Variants in DZIP1L observed in about 807,000 individuals in gnomAD.
DZIP1L encodes cilium assembly protein DZIP1L.
DZIP1L carries 90 observed loss-of-function variants against 88.7 expected under a neutral mutation model. The ratio of observed to expected loss-of-function variants is 1.02; its 90% CI spans 0.86 to 1.21. The LOEUF is 1.21. Among genes scored for constraint, DZIP1L ranks in the 50% most tolerant of loss-of-function variants. The pLI is 0.00. For synonymous variants in DZIP1L, 363 were observed against 372.1 expected (o/e 0.98, Z 0.28); for missense variants, 932 against 955.8 (o/e 0.98, Z 0.33).
intron 12 of DZIP1L, among the ~76,000 whole-genome samples, chr3:138,070,323 C>T (rs758836045): frequency 2.6e-5 from 4 of 152,144 alleles, no homozygotes; most frequent in Non-Finnish European, 4.4e-5. Flanking sequence ...AAAGGATATA[C>T]GTTTAAATTG....
intron 1 of DZIP1L, among the ~76,000 whole-genome samples, chr3:138,111,724 G>C (rs1047211278): frequency 6.6e-6 from 1 of 152,190 alleles, no homozygotes; most frequent in African/African-American, 2.4e-5. Flanking sequence ...GCCAGGCATG[G>C]TGGCTCACAC....
At chr3:138,068,756 T>C (rs1467395450) in intron 12 of DZIP1L, among the ~76,000 whole-genome samples, 2 of 152,124 alleles carry the variant, frequency 1.3e-5, no homozygotes, top group African/African-American at 4.8e-5. Flanking sequence ...AAGACCCCAC[T>C]GCCACCAGAG....
chr3:138,084,830 C>T (rs943873117), intron 7 of DZIP1L, among the ~76,000 whole-genome samples: 4 of 152,178 alleles, frequency 2.6e-5, no homozygotes, highest in Non-Finnish European at 5.9e-5. Context: ...GCTTCAGTTT[C>T]AGCTTTCTAC....
chr3:138,098,774 A>G (rs1431836302), intron 2 of DZIP1L, among the ~76,000 whole-genome samples: 3 of 152,200 alleles, frequency 2.0e-5, no homozygotes, highest in Non-Finnish European at 4.4e-5. Flanking sequence ...CATAAACATC[A>G]TATCAATTAT....
intron 9 of DZIP1L, 125 bp downstream of exon 9, chr3:138,081,609 A>C (rs574782031): frequency 1.7e-4 from 166 of 949,374 alleles, no homozygotes; most frequent in Non-Finnish European, 2.4e-4. Context: ...GCCTGACACT[A>C]CATGTCCACA....
At chr3:138,106,869 AGAG>A (rs1163655838) in intron 1 of DZIP1L, among the ~76,000 whole-genome samples, 29 of 147,736 alleles carry the variant, frequency 2.0e-4, no homozygotes, top group Admixed American at 1.6e-3. Context: ...CAAAAAAAAA[AGAG>A]AGAGAGAGAG....
chr3:138,072,276 T>C (rs1401931794), intron 11 of DZIP1L, among the ~76,000 whole-genome samples: 1 of 152,142 alleles, frequency 6.6e-6, no homozygotes, highest in African/African-American at 2.4e-5. Context: ...ACAATCCAAG[T>C]ACCCTTTCAA....
At chr3:138,064,041 G>T (rs958592662) in intron 15 of DZIP1L, among the ~76,000 whole-genome samples, 6 of 152,216 alleles carry the variant, frequency 3.9e-5, no homozygotes, top group African/African-American at 2.4e-5. Context: ...CGGGCAGTGA[G>T]GAGGGTCTGA....
In DZIP1L at chr3:138,062,825, A is replaced by C. The variant is rs1576423857; in HGVS notation, c.2295T>G (p.Pro765=). The C allele has an allele frequency of 5.6e-6, 9 of 1,613,998 alleles. No homozygotes were observed. The highest frequency in any genetic ancestry group is 7.6e-6 in the Non-Finnish European group (9 of 1,180,022). The change falls in exon 16 of 16, where the codon CCT becomes CCG. Residue 765 remains proline, a synonymous_variant. Coordinates refer to ENST00000327532, the MANE Select transcript of DZIP1L (RefSeq NM_173543.3). ...TAGCTTCTGGGGTGAATCACCAGGC[A>C]GGGACCCTGGGTTGGCCAGAGCTCT... ...GPQSSGQPRV[P]AW is the part of the protein sequence containing the mutation.
chr3:138,091,106 C>T (rs1456901597), intron 5 of DZIP1L, among the ~76,000 whole-genome samples: 3 of 151,592 alleles, frequency 2.0e-5, no homozygotes, highest in Non-Finnish European at 2.9e-5. Context: ...CTGAACCACC[C>T]ACCTTGGCCT....
At position 138,083,232 on chromosome 3, in the gene DZIP1L, T is replaced by C. The variant is rs1559838990; in HGVS notation, c.1203+881A>G. 2.0e-5 allele frequency among the ~76,000 whole-genome samples: 3 copies of C among 152,302 alleles called. No homozygotes were observed. In the East Asian group the frequency reaches 5.8e-4, roughly 29 times the overall value. On this transcript the variant is annotated intron_variant, in intron 8 of 15. Transcript: ENST00000327532. Reference sequence around the variant, plus strand: ...GACTAGAGCTTAGTGCAGAGCTGAGTGTTTTGGGGGGAAACTGAAAAGTAG... The same window carrying C: ...GACTAGAGCTTAGTGCAGAGCTGAGCGTTTTGGGGGGAAACTGAAAAGTAG...
At chr3:138,102,157 G>A in intron 2 of DZIP1L, 1 of 1,374,670 alleles carries the variant, frequency 7.3e-7, no homozygotes, top group Non-Finnish European at 1.0e-6. Context: ...TCCATGTCCA[G>A]GGAGTGACTG....
intron 12 of DZIP1L, among the ~76,000 whole-genome samples, chr3:138,069,604 G>GGGA (rs1943080544): frequency 6.6e-6 from 1 of 152,198 alleles, no homozygotes. Flanking sequence ...TCCCATGACT[G>GGGA]TGTACCAGAT....
intron 2 of DZIP1L, chr3:138,101,886 G>A: frequency 7.0e-7 from 1 of 1,423,750 alleles, no homozygotes; most frequent in Non-Finnish European, 9.9e-7. Context: ...GCTTGGCGTT[G>A]GCATCCTTAA....
chr3:138,095,951 AG>A (rs1481277706), intron 3 of DZIP1L, among the ~76,000 whole-genome samples: 2 of 152,230 alleles, frequency 1.3e-5, no homozygotes, highest in African/African-American at 4.8e-5. Context: ...GCAAGAGTTA[AG>A]GGTCAAAAAA....
intron 10 of DZIP1L, among the ~76,000 whole-genome samples, chr3:138,079,968 T>C (rs896148019): frequency 6.6e-6 from 1 of 152,204 alleles, no homozygotes; most frequent in Non-Finnish European, 1.5e-5. Context: ...TAAGATCTTC[T>C]TGCAGTCAGG....
At chr3:138,079,458 TCTC>T (rs1206115983) in intron 10 of DZIP1L, among the ~76,000 whole-genome samples, 1 of 152,190 alleles carries the variant, frequency 6.6e-6, no homozygotes, top group Admixed American at 6.5e-5. Context: ...ATGAAGCAGT[TCTC>T]TTTAAAGGGA....
chr3:138,090,274 C>T (rs1203965002), intron 5 of DZIP1L, among the ~76,000 whole-genome samples: 1 of 152,118 alleles, frequency 6.6e-6, no homozygotes, highest in Non-Finnish European at 1.5e-5. Flanking sequence ...TTCACCAAAA[C>T]TCATAATTTT....
At chr3:138,092,045 T>C (rs184166139) in intron 5 of DZIP1L, among the ~76,000 whole-genome samples, 70 of 152,364 alleles carry the variant, frequency 4.6e-4, no homozygotes, top group African/African-American at 1.4e-3. Context: ...GATATTACTA[T>C]ATACCAGATA....
Sources: allele counts gnomAD v4.1 joint callset (sites outside exome capture counted in the v4.1 genomes callset), GRCh38; gene constraint gnomAD v4.1.1; transcripts MANE v1.5; gene names NCBI Gene and HGNC (gene_info 2026-07-23, HGNC 2026-07-21).